The following TTC23 variants were observed in gnomAD, a reference collection of about 807,000 sequenced individuals.
The protein encoded by TTC23 is tetratricopeptide repeat domain 23.
TTC23 carries 58 observed loss-of-function variants against 55.1 expected under a neutral mutation model. That is an observed-to-expected ratio of 1.05 (90% CI 0.85 to 1.31). TTC23 has a LOEUF of 1.31. TTC23 is among the 50% of genes most tolerant of loss of function. The pLI is 0.00. For synonymous variants in TTC23, 203 were observed against 199.9 expected (o/e 1.02, Z -0.13); for missense variants, 516 against 534.4 (o/e 0.97, Z 0.34).
chr15:99,189,622 G>A lies in TTC23; in HGVS notation c.759+10297C>T, dbSNP rs538408823. Among the ~76,000 whole-genome samples, 8 of 152,080 alleles carry A rather than the reference G, an allele frequency of 5.3e-5. No individual in the cohort carries two copies. In the South Asian group the frequency reaches 6.2e-4, roughly 12 times the overall value. On this transcript the variant is annotated intron_variant, in intron 9 of 13. Coordinates refer to ENST00000394132, the MANE Select transcript of TTC23 (RefSeq NM_001288615.3). The stretch of plus-strand genomic sequence containing the variant: ...ATATCCCTTTGTAGTATTCTAGCTC[G>A]GCATGCATCACTCATGAGGAAACAT...
At chr15:99,223,213 C>A (rs2078098814) in intron 5 of TTC23, among the ~76,000 whole-genome samples, 1 of 152,154 alleles carries the variant, frequency 6.6e-6, no homozygotes, top group South Asian at 2.1e-4. Context: ...ACTCTTGAAA[C>A]CTGTTATGGG....
intron 12 of TTC23, chr15:99,155,857 TAG>T (rs1271412846): frequency 4.2e-6 from 2 of 471,524 alleles, no homozygotes; most frequent in Non-Finnish European, 7.5e-6. Context: ...AAACTCAGTA[TAG>T]AGAGAGCACC....
At chr15:99,235,616 T>C (rs2079258941) in intron 3 of TTC23, among the ~76,000 whole-genome samples, 1 of 152,270 alleles carries the variant, frequency 6.6e-6, no homozygotes, top group African/African-American at 2.4e-5. Flanking sequence ...GTGATCCGCC[T>C]GCCTTGGCCT....
At chr15:99,156,366 T>C in intron 11 of TTC23, 69 bp from the exon 12 acceptor site, 1 of 1,568,940 alleles carries the variant, frequency 6.4e-7, no homozygotes, top group East Asian at 2.2e-5. Context: ...ACGCAACTTG[T>C]AACATTTTCA....
chr15:99,218,750 G>C (rs764225935), intron 7 of TTC23, 37 bp from the exon 8 acceptor site: 4 of 1,612,912 alleles, frequency 2.5e-6, no homozygotes, highest in Non-Finnish European at 3.4e-6. Context: ...CTTGGTTCTA[G>C]ATTCTACACC....
chr15:99,173,410 C>A (rs1336479420), intron 10 of TTC23, among the ~76,000 whole-genome samples: 1 of 152,130 alleles, frequency 6.6e-6, no homozygotes, highest in Non-Finnish European at 1.5e-5. Flanking sequence ...TGGCAAGACT[C>A]TGTCTTTAAA....
intron 9 of TTC23, among the ~76,000 whole-genome samples, chr15:99,199,406 A>G (rs2076012934): frequency 1.7e-5 from 2 of 119,106 alleles, no homozygotes. Flanking sequence ...TGTCTCTCCA[A>G]AAAAAAAAAA....
chr15:99,227,169 G>C (rs1187979751), intron 5 of TTC23, among the ~76,000 whole-genome samples: 2 of 152,146 alleles, frequency 1.3e-5, no homozygotes, highest in East Asian at 3.9e-4. Flanking sequence ...CCAAATTTAT[G>C]CTCTTTCTCT....
chr15:99,186,752 T>C (rs1596490606), intron 9 of TTC23, among the ~76,000 whole-genome samples: 3 of 152,016 alleles, frequency 2.0e-5, no homozygotes, highest in Admixed American at 2.0e-4. Context: ...CCCAAAGAAG[T>C]ATAAAGATTA....
intron 8 of TTC23, among the ~76,000 whole-genome samples, chr15:99,202,351 G>A (rs1246208254): frequency 6.6e-6 from 1 of 152,092 alleles, no homozygotes; most frequent in South Asian, 2.1e-4. Context: ...AGTAAAGAAT[G>A]GATCCTTTGT....
chr15:99,214,311 T>A (rs978644370), intron 8 of TTC23, among the ~76,000 whole-genome samples: 1 of 151,744 alleles, frequency 6.6e-6, no homozygotes, highest in Non-Finnish European at 1.5e-5. Flanking sequence ...ATCGAGACCA[T>A]CCTGGCTAAC....
At chr15:99,201,921 A>G (rs2076232668) in intron 8 of TTC23, among the ~76,000 whole-genome samples, 1 of 152,216 alleles carries the variant, frequency 6.6e-6, no homozygotes, top group African/African-American at 2.4e-5. Flanking sequence ...TCATTTAGCC[A>G]AAGACTTAGA....
At chr15:99,249,109 A>C (rs1240162407) in intron 1 of TTC23, 62 bp downstream of exon 1, 3 of 152,186 alleles carry the variant, frequency 2.0e-5, no homozygotes, top group South Asian at 2.1e-4. Flanking sequence ...AACAATAACG[A>C]AGCACAGTTT....
At position 99,139,078 on chromosome 15, in the gene TTC23, G is replaced by C. The variant is rs144628199; in HGVS notation, c.1226+239C>G. On this transcript the variant is annotated intron_variant, in intron 13 of 13. Transcript: ENST00000394132. ...TGCCTTAGCCTGCAGGGGCTGGTCT[G>C]CAGGAAGACAACATCCAGCATATAT... 3.3e-4 allele frequency: 190 copies of C among 579,974 alleles called. 1 individual carries two copies. The highest frequency in any genetic ancestry group is 3.2e-3 in the African/African-American group (175 of 54,004). The allele number at this position is 579,974 out of a possible 1,614,324, so 35.9% of individuals were successfully genotyped here.
intron 8 of TTC23, among the ~76,000 whole-genome samples, chr15:99,205,976 A>G (rs1403715075): frequency 1.3e-5 from 2 of 152,108 alleles, no homozygotes; most frequent in African/African-American, 4.8e-5. Flanking sequence ...ACATTGTGGT[A>G]TGTTCCTTTA....
intron 9 of TTC23, among the ~76,000 whole-genome samples, chr15:99,199,186 A>T (rs928127431): frequency 6.6e-6 from 1 of 151,818 alleles, no homozygotes; most frequent in Non-Finnish European, 1.5e-5. Flanking sequence ...TCTAGAAGAA[A>T]CTCTGCTTCA....
At chr15:99,229,913 G>C (rs2078794593) in intron 4 of TTC23, among the ~76,000 whole-genome samples, 1 of 152,100 alleles carries the variant, frequency 6.6e-6, no homozygotes, top group Non-Finnish European at 1.5e-5. Context: ...AGACCTAAAA[G>C]GATCAAACTG....
chr15:99,185,570 A>C (rs950421805), intron 9 of TTC23, among the ~76,000 whole-genome samples: 13 of 152,242 alleles, frequency 8.5e-5, no homozygotes, highest in African/African-American at 3.1e-4. Flanking sequence ...ATGCAATTCA[A>C]GTGAGAGATG....
At chr15:99,227,527 T>C (rs527818643) in intron 5 of TTC23, among the ~76,000 whole-genome samples, 4 of 152,356 alleles carry the variant, frequency 2.6e-5, no homozygotes, top group African/African-American at 7.2e-5. Context: ...GGAGTGACTG[T>C]TCTTAAAATC....
Sources: gnomAD v4.1 joint callset for allele counts (sites outside exome capture counted in the v4.1 genomes callset) on GRCh38, gnomAD v4.1.1 for gene constraint, MANE v1.5 for transcripts, NCBI Gene and HGNC (gene_info 2026-07-23, HGNC 2026-07-21) for gene names.